The following THAP3 variants were observed in gnomAD, a reference collection of about 807,000 sequenced individuals.
THAP3 encodes the protein THAP domain containing 3, also known as THAP domain-containing protein 3.
A neutral mutation model predicts 17.7 loss-of-function variants in THAP3; 12 were observed. That is an observed-to-expected ratio of 0.68 (90% CI 0.43 to 1.10). The LOEUF (loss-of-function observed/expected upper bound fraction) is 1.10, where lower values mean the gene tolerates loss of function less well. Ranked by LOEUF, THAP3 falls within the 50% of genes least tolerant of loss-of-function variation. THAP3 has a pLI of 0.00. For missense variants in THAP3, 289 were observed against 318.0 expected (o/e 0.91, Z 0.69); for synonymous variants, 133 against 126.9 (o/e 1.05, Z -0.32).
chr1:6,635,474 T>C, downstream of THAP3: 2 of 573,166 alleles, frequency 3.5e-6, no homozygotes, highest in Non-Finnish European at 6.1e-6. Flanking sequence ...TGGTTCCCAG[T>C]GGGGCTGCCT....
At chr1:6,633,959 A>T, downstream of THAP3, 1 of 1,449,104 alleles carries the variant, frequency 6.9e-7, no homozygotes, top group Non-Finnish European at 9.6e-7. Context: ...TTATAGCTTT[A>T]GTGAATTAAA....
At chr1:6,625,329 A>G in intron 2 of THAP3, 37 bp downstream of exon 2, 1 of 1,499,298 alleles carries the variant, frequency 6.7e-7, no homozygotes, top group Non-Finnish European at 8.9e-7. Context: ...GGAGGCCCAG[A>G]CCCGGGGCCC....
chr1:6,634,798 C>A (rs531216056), downstream of THAP3: 16 of 1,294,486 alleles, frequency 1.2e-5, no homozygotes, highest in African/African-American at 9.1e-5. Context: ...CTGGGTACCA[C>A]GGGCCGGGCC....
intron 2 of THAP3, chr1:6,627,711 T>G (rs1347259953): frequency 2.0e-5 from 3 of 152,256 alleles, no homozygotes; most frequent in Non-Finnish European, 4.4e-5. Context: ...TCCTGTAACT[T>G]AATTTTATCT....
In THAP3 at chr1:6,632,948, G is replaced by A. The variant is rs1557458564; in HGVS notation, c.591G>A (p.Lys197=). ...SLKKKLFLTL[K]ENEKLRKRLQ... ...AGAAAAAACTCTTCCTCACTCTGAA[G>A]GAAAATGAAAAGCTCCGGAAGCGCT... The change falls in exon 6 of 6, where the codon AAG becomes AAA. Residue 197 remains lysine, a synonymous_variant. Coordinates refer to ENST00000054650, the MANE Select transcript of THAP3 (RefSeq NM_001195753.2). The A allele has an allele frequency of 6.2e-7, 1 of 1,612,954 alleles. No individual in the cohort carries two copies. The highest frequency in any genetic ancestry group is 1.7e-5 in the Admixed American group (1 of 60,024).
At chr1:6,634,744 G>C, downstream of THAP3, 1 of 1,351,002 alleles carries the variant, frequency 7.4e-7, no homozygotes, top group Non-Finnish European at 9.9e-7. Context: ...GTGTTCCTGT[G>C]AGGACGCTGG....
chr1:6,634,086 TGAA>T (rs761925029), downstream of THAP3: 2 of 1,613,334 alleles, frequency 1.2e-6, no homozygotes, highest in South Asian at 1.1e-5. Flanking sequence ...GAGTGAGGAG[TGAA>T]GGATGGGGAG....
intron 2 of THAP3, among the ~76,000 whole-genome samples, chr1:6,625,976 C>T (rs1641460736): frequency 1.3e-5 from 2 of 152,158 alleles, no homozygotes; most frequent in South Asian, 4.1e-4. Context: ...CATAAGTATA[C>T]AGCCCAGCGA....
At chr1:6,630,420 T>C in intron 4 of THAP3, 67 bp downstream of exon 4, 1 of 1,553,080 alleles carries the variant, frequency 6.4e-7, no homozygotes, top group African/African-American at 1.4e-5. Context: ...GGAGGTGGGA[T>C]TTTCCCAGCA....
downstream of THAP3, chr1:6,633,595 C>T: frequency 1.9e-6 from 2 of 1,073,588 alleles, no homozygotes; most frequent in Non-Finnish European, 2.3e-6. Flanking sequence ...TTCTCTAGTG[C>T]CGTGATTCCT....
rs558899716 is a variant in THAP3, at chr1:6,630,936, C to G, written c.333+583C>G. Among the ~76,000 whole-genome samples, 12 of 151,692 alleles carry G rather than the reference C, an allele frequency of 7.9e-5. No individual in the cohort carries two copies. The East Asian group carries it at 1.4e-3, about 17-fold the overall frequency. ...TTTACTCAGGCTGGTCTCAAACTACCGGGCTCAAGCCATCCTCCCACCTCA... is the reference window on the plus strand; with the variant it reads ...TTTACTCAGGCTGGTCTCAAACTACGGGGCTCAAGCCATCCTCCCACCTCA... On this transcript the variant is annotated intron_variant, in intron 4 of 5. Coordinates refer to ENST00000054650, the MANE Select transcript of THAP3 (RefSeq NM_001195753.2).
At chr1:6,626,640 C>T (rs1204458526) in intron 2 of THAP3, among the ~76,000 whole-genome samples, 1 of 152,278 alleles carries the variant, frequency 6.6e-6, no homozygotes, top group East Asian at 1.9e-4. Context: ...GAGTTGGAGA[C>T]CAGCCTGACC....
At chr1:6,634,293 C>G, downstream of THAP3, 1 of 899,794 alleles carries the variant, frequency 1.1e-6, no homozygotes. Context: ...GGCCCAGGCT[C>G]ATGCAACACG....
At chr1:6,627,928 G>T (rs1227180365) in intron 2 of THAP3, 3 of 154,446 alleles carry the variant, frequency 1.9e-5, no homozygotes, top group Admixed American at 1.9e-4. Flanking sequence ...GCGTCATGCA[G>T]TCCCCACTCC....
At chr1:6,631,165 C>T (rs912043068) in intron 4 of THAP3, among the ~76,000 whole-genome samples, 27 of 144,206 alleles carry the variant, frequency 1.9e-4, no homozygotes, top group African/African-American at 6.5e-4. Context: ...CTACCATGCC[C>T]AGCTAATTAA....
chr1:6,625,807 A>G (rs1641455248), intron 2 of THAP3, among the ~76,000 whole-genome samples: 1 of 151,938 alleles, frequency 6.6e-6, no homozygotes, highest in African/African-American at 2.4e-5. Context: ...CGCTTTCTCC[A>G]AGGTCCAGTC....
At chr1:6,630,125 C>T (rs1335620059) in intron 3 of THAP3, among the ~76,000 whole-genome samples, 163 bp from the exon 4 acceptor site, 1 of 152,216 alleles carries the variant, frequency 6.6e-6, no homozygotes, top group East Asian at 1.9e-4. Flanking sequence ...ACCAAGCGGG[C>T]AGTGTGAGTT....
chr1:6,630,869 G>GC, intron 4 of THAP3, among the ~76,000 whole-genome samples: 1 of 150,402 alleles, frequency 6.6e-6, no homozygotes, highest in Non-Finnish European at 1.5e-5. Context: ...ACCGCGCCTG[G>GC]GCCCCCACTT....
chr1:6,628,842 C>A, intron 3 of THAP3, 151 bp downstream of exon 3: 2 of 736,000 alleles, frequency 2.7e-6, no homozygotes, highest in Non-Finnish European at 4.4e-6. Flanking sequence ...GGTCCACAGC[C>A]CTGTGGCCCT....
Sources: allele counts gnomAD v4.1 joint callset (sites outside exome capture counted in the v4.1 genomes callset), GRCh38; gene constraint gnomAD v4.1.1; transcripts MANE v1.5; gene names NCBI Gene and HGNC (gene_info 2026-07-23, HGNC 2026-07-21).